Variants in ACSM2A observed in about 807,000 individuals in gnomAD.
The protein encoded by ACSM2A is acyl-coenzyme A synthetase ACSM2A, mitochondrial.
In ACSM2A, 72 loss-of-function variants were observed where a neutral mutation model predicts 76.6. The ratio of observed to expected loss-of-function variants is 0.94; its 90% CI spans 0.78 to 1.14. The LOEUF is 1.14. Among genes scored for constraint, ACSM2A ranks in the 50% most tolerant of loss-of-function variants. The pLI is 0.00. For missense variants in ACSM2A, 684 were observed against 708.5 expected, an observed-to-expected ratio of 0.97 and a Z score of 0.39; for synonymous variants, 249 against 255.9, an observed-to-expected ratio of 0.97 and a Z score of 0.26.
At chr16:20,471,737 T>A in intron 6 of ACSM2A, 48 bp downstream of exon 6, 1 of 1,574,306 alleles carries the variant, frequency 6.4e-7, no homozygotes, top group Non-Finnish European at 8.6e-7. Flanking sequence ...GAGCCCGAGG[T>A]TTGCACACTT....
chr16:20,474,134 A>T (rs867072899), intron 6 of ACSM2A: 6 of 415,508 alleles, frequency 1.4e-5, no homozygotes, highest in African/African-American at 1.0e-4. Context: ...CACCCTGACC[A>T]ATTTGGGCAC....
chr16:20,475,193 G>A (rs1268418747), intron 6 of ACSM2A, among the ~76,000 whole-genome samples, 169 bp from the exon 7 acceptor site: 1 of 152,134 alleles, frequency 6.6e-6, no homozygotes, highest in African/African-American at 2.4e-5. Flanking sequence ...TGTCTTCAGG[G>A]TGCATGAGAG....
intron 2 of ACSM2A, among the ~76,000 whole-genome samples, chr16:20,460,901 G>A (rs1346200395): frequency 4.9e-5 from 6 of 123,380 alleles, no homozygotes; most frequent in South Asian, 3.0e-4. Context: ...GTTAGGTCAC[G>A]TGTCCCTGTC....
At chr16:20,485,142 C>T (rs1410650208) in intron 13 of ACSM2A, among the ~76,000 whole-genome samples, 1 of 152,168 alleles carries the variant, frequency 6.6e-6, no homozygotes, top group Admixed American at 6.5e-5. Context: ...GTGACTGGCA[C>T]ATAATAAACA....
In ACSM2A at chr16:20,478,613, C is replaced by G. The variant is rs538489825; in HGVS notation, c.1217C>G (p.Thr406Arg). The change falls in exon 10 of 14, where the codon ACA becomes AGA. Residue 406 changes from threonine (T) to arginine (R), a missense_variant. By Grantham distance (71) the Thr-to-Arg change is moderately conservative (BLOSUM62 -1). Coordinates refer to ENST00000573854, the MANE Select transcript of ACSM2A (RefSeq NM_001308172.2). ...AAGGGCAACGTCCTGCCCCCCGGCA[C>G]AGAAGGAGACATTGGCATCAGGGTC... is the stretch of plus-strand genomic sequence containing the variant. The part of the protein sequence containing the change: ...DDKGNVLPPG[T>R]EGDIGIRVKP... 1 of 1,613,956 alleles carries G rather than the reference C, an allele frequency of 6.2e-7. No homozygotes were observed. Among genetic ancestry groups the G allele is most frequent in the Non-Finnish European group, 8.5e-7 (1 of 1,179,896 alleles).
rs753492373 is a variant in ACSM2A at position 20,471,160 on chromosome 16, C to T, written c.684C>T (p.Pro228=). 1 of 1,612,850 alleles carries T rather than the reference C, an allele frequency of 6.2e-7. No homozygotes were observed. Among genetic ancestry groups the T allele is most frequent in the Non-Finnish European group, 8.5e-7 (1 of 1,179,180 alleles). The change falls in exon 5 of 14, where the codon CCC becomes CCT. Residue 228 remains proline (P), a synonymous_variant. Coordinates refer to ENST00000573854, the MANE Select transcript of ACSM2A (RefSeq NM_001308172.2). ...TCACTAGTGGGACCAGTGGTCTTCC[C>T]AAGATGGCAGAACATTCCTACTCGA... is the stretch of plus-strand genomic sequence containing the variant. The part of the protein sequence containing the change: ...IYFTSGTSGL[P]KMAEHSYSSL...
chr16:20,455,943 G>C (rs923086042), intron 1 of ACSM2A, among the ~76,000 whole-genome samples: 57 of 150,924 alleles, frequency 3.8e-4, no homozygotes, highest in Non-Finnish European at 3.3e-4. Context: ...CTTAAGGTAA[G>C]GGGGTGGAAA....
intron 3 of ACSM2A, among the ~76,000 whole-genome samples, chr16:20,467,790 C>T (rs1310740775): frequency 2.0e-5 from 3 of 152,082 alleles, no homozygotes; most frequent in African/African-American, 7.2e-5. Context: ...ATTTAAGGCT[C>T]TAAAATTTGA....
chr16:20,473,870 C>T, intron 6 of ACSM2A: 1 of 339,198 alleles, frequency 2.9e-6, no homozygotes, highest in South Asian at 2.3e-5. Context: ...AGCCTAGTGC[C>T]AGTACCTAAA....
At chr16:20,475,161 G>A (rs1266282353) in intron 6 of ACSM2A, among the ~76,000 whole-genome samples, 1 of 152,152 alleles carries the variant, frequency 6.6e-6, no homozygotes, top group Non-Finnish European at 1.5e-5. Flanking sequence ...ACAATAATAT[G>A]TATTCATTTC....
intron 3 of ACSM2A, 58 bp downstream of exon 3, chr16:20,465,785 A>G (rs2012959543): frequency 2.5e-6 from 4 of 1,570,316 alleles, no homozygotes; most frequent in Non-Finnish European, 1.7e-6. Flanking sequence ...AACTGATAGC[A>G]GAGAAATGCA....
intron 1 of ACSM2A, among the ~76,000 whole-genome samples, chr16:20,458,485 T>G (rs137901251): frequency 6.9e-6 from 1 of 145,310 alleles, no homozygotes; most frequent in African/African-American, 2.5e-5. Context: ...TATGTATTAT[T>G]ATATAATACA....
chr16:20,476,018 T>C (rs1353966865), intron 8 of ACSM2A: 18 of 1,076,696 alleles, frequency 1.7e-5, no homozygotes, highest in Non-Finnish European at 2.0e-5. Flanking sequence ...CTAAGAAATA[T>C]CTAGCATGGC....
At chr16:20,470,416 C>T (rs1286569134) in intron 4 of ACSM2A, among the ~76,000 whole-genome samples, 1 of 152,190 alleles carries the variant, frequency 6.6e-6, no homozygotes, top group Non-Finnish European at 1.5e-5. Context: ...GCAAGACTGG[C>T]TGGATTAATG....
intron 2 of ACSM2A, among the ~76,000 whole-genome samples, chr16:20,464,744 G>C (rs1468239272): frequency 6.6e-6 from 1 of 152,104 alleles, no homozygotes; most frequent in East Asian, 1.9e-4. Flanking sequence ...CAAATTCATA[G>C]AGTCGGAAAG....
chr16:20,486,809 T>A lies in ACSM2A; in HGVS notation c.*131T>A. 8.8e-7 allele frequency: 1 copy of A among 1,136,266 alleles called. No individual in the cohort carries two copies. Among genetic ancestry groups the A allele is most frequent in the Non-Finnish European group, 1.3e-6 (1 of 784,176 alleles). The allele number at this position is 1,136,266 out of a possible 1,614,324, so 70.4% of individuals were successfully genotyped here. On this transcript the variant is annotated 3_prime_UTR_variant, in exon 14 of 14. Coordinates refer to ENST00000573854, the MANE Select transcript of ACSM2A (RefSeq NM_001308172.2). ...GAATATAAGTTTTGTCTTGCCTTGG[T>A]TATTAGCACAAAACTTTACCATGTT...
In ACSM2A at chr16:20,486,658, G is replaced by T; in HGVS notation, c.1714G>T (p.Gly572Ter). 1 of 1,614,164 alleles carries T rather than the reference G, an allele frequency of 6.2e-7. No homozygotes were observed. The highest frequency in any genetic ancestry group is 1.6e-4 in the Middle Eastern group (1 of 6,062). ...KLRDKEWKMSGKARAQ is the reference protein window; with the variant it reads ...KLRDKEWKMS ...TCGAGACAAGGAGTGGAAGATGTCC[G>T]GAAAAGCCCGTGCGCAGTGAGACAT... The change falls in exon 14 of 14, where the codon GGA (glycine) becomes TGA (stop). Residue 572 changes from glycine to a stop codon, truncating the protein, a stop_gained. Transcript: ENST00000573854. LOFTEE classifies it high-confidence loss of function.
chr16:20,482,940 C>G (rs1038301949), intron 12 of ACSM2A, 118 bp from the exon 13 acceptor site: 2 of 1,476,068 alleles, frequency 1.4e-6, no homozygotes, highest in Non-Finnish European at 1.8e-6. Context: ...ACCTGGATCA[C>G]CGGGGGTGCA....
At chr16:20,476,420 C>A in intron 8 of ACSM2A, 1 of 985,614 alleles carries the variant, frequency 1.0e-6, no homozygotes, top group South Asian at 4.7e-5. Flanking sequence ...CACTCTCTTA[C>A]CCTGCATCCT....
Sources: allele counts gnomAD v4.1 joint callset (sites outside exome capture counted in the v4.1 genomes callset), GRCh38; gene constraint gnomAD v4.1.1; transcripts MANE v1.5; gene names NCBI Gene and HGNC (gene_info 2026-07-23, HGNC 2026-07-21).